METAP1D: variants seen among roughly 807,000 people sequenced by gnomAD.
METAP1D encodes the protein methionine aminopeptidase 1D, mitochondrial.
In METAP1D, 31 loss-of-function variants were observed where a neutral mutation model predicts 40.5. The ratio of observed to expected loss-of-function variants is 0.77; its 90% CI spans 0.58 to 1.03. METAP1D has a LOEUF of 1.03. METAP1D is among the 50% of genes least tolerant of loss of function. The probability of loss-of-function intolerance (pLI) is 0.00; values close to 1 mark genes in which losing one functional copy is unlikely to be tolerated. For synonymous variants in METAP1D, 151 were observed against 146.4 expected (o/e 1.03, Z -0.22); for missense variants, 411 against 420.7 (o/e 0.98, Z 0.20).
chr2:172,057,667 C>G (rs893027501), intron 1 of METAP1D, among the ~76,000 whole-genome samples: 2 of 152,132 alleles, frequency 1.3e-5, no homozygotes, highest in African/African-American at 4.8e-5. Flanking sequence ...TTTTCTCATG[C>G]CTGTGAGAGA....
At chr2:172,032,318 G>A (rs1193968643) in intron 1 of METAP1D, among the ~76,000 whole-genome samples, 1 of 152,158 alleles carries the variant, frequency 6.6e-6, no homozygotes, top group Non-Finnish European at 1.5e-5. Flanking sequence ...TGTTTTACTG[G>A]ATTCTGATTA....
At chr2:172,045,787 A>G (rs57964308) in intron 1 of METAP1D, among the ~76,000 whole-genome samples, 2 of 79,680 alleles carry the variant, frequency 2.5e-5, no homozygotes, top group Non-Finnish European at 5.0e-5. Flanking sequence ...ATGTGTATGT[A>G]TATGTATATA....
chr2:172,000,322 AC>A (rs1688428430), intron 1 of METAP1D, among the ~76,000 whole-genome samples: 1 of 152,216 alleles, frequency 6.6e-6, no homozygotes, highest in Non-Finnish European at 1.5e-5. Flanking sequence ...AGTGTAACCA[AC>A]ATTTATTCTG....
At chr2:172,024,558 C>T (rs996274154) in intron 1 of METAP1D, among the ~76,000 whole-genome samples, 5 of 152,042 alleles carry the variant, frequency 3.3e-5, no homozygotes, top group Admixed American at 6.6e-5. Context: ...TGACTTCCTA[C>T]ATGTAATCTT....
chr2:172,053,792 C>G (rs1689940556), intron 1 of METAP1D, among the ~76,000 whole-genome samples: 1 of 152,094 alleles, frequency 6.6e-6, no homozygotes, highest in South Asian at 2.1e-4. Flanking sequence ...TTGTTTTCTA[C>G]CCAGATATTT....
intron 5 of METAP1D, among the ~76,000 whole-genome samples, chr2:172,070,203 A>G (rs1690390489): frequency 6.6e-6 from 1 of 152,194 alleles, no homozygotes. Context: ...TGATAAAATT[A>G]TACTTTCTGT....
Position 172,049,365 on chromosome 2 carries a change from A to G in METAP1D, c.41-12133A>G, listed in dbSNP as rs902311499. ...AGTATATATATTTAAATAAATGTTT[A>G]TTTATATTTATGTTTACTTATATAC... On this transcript the variant is annotated intron_variant, in intron 1 of 9. Coordinates refer to ENST00000315796, the MANE Select transcript of METAP1D (RefSeq NM_199227.3). Among the ~76,000 whole-genome samples the G allele has an allele frequency of 7.7e-4, 116 of 149,904 alleles. 1 individual carries two copies. The highest frequency in any genetic ancestry group is 2.8e-3 in the African/African-American group (114 of 41,154).
At chr2:172,079,982 C>T in intron 8 of METAP1D, 146 bp from the exon 9 acceptor site, 1 of 670,588 alleles carries the variant, frequency 1.5e-6, no homozygotes. Flanking sequence ...CATCAATTAT[C>T]AACCCTTGCA....
chr2:172,003,755 G>C (rs1558989593), intron 1 of METAP1D, among the ~76,000 whole-genome samples: 1 of 151,944 alleles, frequency 6.6e-6, no homozygotes, highest in South Asian at 2.1e-4. Flanking sequence ...CAGCAAGTAA[G>C]AGGGCATATT....
At chr2:172,024,888 G>C (rs1446211897) in intron 1 of METAP1D, among the ~76,000 whole-genome samples, 1 of 151,936 alleles carries the variant, frequency 6.6e-6, no homozygotes, top group Admixed American at 6.6e-5. Flanking sequence ...AGGCCATATT[G>C]CTCAGTTGAT....
intron 1 of METAP1D, among the ~76,000 whole-genome samples, chr2:172,001,322 T>G (rs1189865772): frequency 6.6e-6 from 1 of 151,836 alleles, no homozygotes; most frequent in African/African-American, 2.4e-5. Context: ...GGTGGCTCAC[T>G]TGAGGTCAGA....
intron 5 of METAP1D, among the ~76,000 whole-genome samples, chr2:172,069,009 C>A (rs1311842622): frequency 1.3e-5 from 2 of 152,048 alleles, no homozygotes; most frequent in African/African-American, 4.8e-5. Flanking sequence ...AGCTTGAACT[C>A]CTGGGCTCAA....
At chr2:172,045,815 G>GTATATATATATATATA (rs1481007010) in intron 1 of METAP1D, among the ~76,000 whole-genome samples, 1 of 24,278 alleles carries the variant, frequency 4.1e-5, no homozygotes, top group Non-Finnish European at 7.9e-5. Flanking sequence ...GTGTGTGTGT[G>GTATATATATATATATA]TGTGTATATA....
chr2:172,009,528 T>C (rs889520426), intron 1 of METAP1D, among the ~76,000 whole-genome samples: 1 of 152,086 alleles, frequency 6.6e-6, no homozygotes, highest in African/African-American at 2.4e-5. Context: ...ACTTCTTTAA[T>C]TTTCTGAAAG....
chr2:172,023,394 G>C (rs768830706), intron 1 of METAP1D, among the ~76,000 whole-genome samples: 23 of 152,162 alleles, frequency 1.5e-4, no homozygotes, highest in Non-Finnish European at 3.2e-4. Context: ...CCCCACTTGA[G>C]GATTGTTACA....
chr2:172,071,068 C>A lies in METAP1D; in HGVS notation c.702C>A (p.Ile234=). 6.2e-7 allele frequency: 1 copy of A among 1,607,354 alleles called. No individual in the cohort carries two copies. The highest frequency in any genetic ancestry group is 8.5e-7 in the Non-Finnish European group (1 of 1,176,558). ...GAPFSVIGNT[I]SHITHQNGFQ... ...CCTTCTCTGTAATTGGAAACACAATCAGGTAAGCCTTACATTGACAAGTAA... is the reference window on the plus strand; with the variant it reads ...CCTTCTCTGTAATTGGAAACACAATAAGGTAAGCCTTACATTGACAAGTAA... Residue 234 remains isoleucine (I), a splice_region_variant and synonymous_variant, in exon 6 of 10, where the codon ATC becomes ATA. Transcript: ENST00000315796.
At chr2:172,079,193 C>T (rs1690634776) in intron 7 of METAP1D, 22 bp from the exon 8 acceptor site, 3 of 1,613,498 alleles carry the variant, frequency 1.9e-6, no homozygotes, top group Non-Finnish European at 2.5e-6. Flanking sequence ...TATTCTCACC[C>T]CCCATGTTTT....
chr2:172,027,129 T>C (rs1166507501), intron 1 of METAP1D, among the ~76,000 whole-genome samples: 1 of 152,206 alleles, frequency 6.6e-6, no homozygotes, highest in East Asian at 1.9e-4. Context: ...GTCGGCTGTA[T>C]GCCAGACACT....
chr2:172,022,149 T>C (rs761243062), intron 1 of METAP1D, among the ~76,000 whole-genome samples: 1 of 152,210 alleles, frequency 6.6e-6, no homozygotes, highest in Non-Finnish European at 1.5e-5. Flanking sequence ...AGATGAACTG[T>C]TGTGACTGAT....
Sources: allele counts gnomAD v4.1 joint callset (sites outside exome capture counted in the v4.1 genomes callset), GRCh38; gene constraint gnomAD v4.1.1; transcripts MANE v1.5; gene names NCBI Gene and HGNC (gene_info 2026-07-23, HGNC 2026-07-21).